The following AVL9 variants were observed in gnomAD, a reference collection of about 807,000 sequenced individuals.
AVL9 encodes the protein AVL9 cell migration associated, also known as late secretory pathway protein AVL9 homolog.
AVL9 carries 49 observed loss-of-function variants against 79.2 expected under a neutral mutation model. The ratio of observed to expected loss-of-function variants is 0.62; its 90% CI spans 0.49 to 0.79. The LOEUF (loss-of-function observed/expected upper bound fraction) is 0.79, where lower values mean the gene tolerates loss of function less well. AVL9 is among the 30% of genes least tolerant of loss of function. AVL9 has a pLI of 0.00. For synonymous variants in AVL9, 299 were observed against 280.6 expected, an observed-to-expected ratio of 1.07 and a Z score of -0.65; for missense variants, 682 against 776.8, an observed-to-expected ratio of 0.88 and a Z score of 1.45.
chr7:32,571,786 G>C (rs1790856605), intron 11 of AVL9, among the ~76,000 whole-genome samples: 1 of 152,086 alleles, frequency 6.6e-6, no homozygotes, highest in South Asian at 2.1e-4. Context: ...GGGTGCGTAG[G>C]AATTTTTTTT....
chr7:32,523,796 C>G (rs531767833), intron 1 of AVL9, among the ~76,000 whole-genome samples: 8 of 147,978 alleles, frequency 5.4e-5, no homozygotes, highest in African/African-American at 2.0e-4. Context: ...TGCAGTGGCA[C>G]GATCTCGGCT....
chr7:32,562,117 A>C (rs1790357253), intron 10 of AVL9, among the ~76,000 whole-genome samples: 1 of 152,236 alleles, frequency 6.6e-6, no homozygotes, highest in Non-Finnish European at 1.5e-5. Flanking sequence ...AGAATTACCA[A>C]AATGTGACAG....
rs1245410539 is a variant in AVL9, at chr7:32,572,552, C to T, written c.1351-647C>T. Among the ~76,000 whole-genome samples the T allele has an allele frequency of 1.3e-5, 2 of 150,690 alleles. 1 individual carries two copies. Among genetic ancestry groups the T allele is most frequent in the African/African-American group, 5.0e-5 (2 of 40,152 alleles). On this transcript the variant is annotated intron_variant, in intron 11 of 15. Transcript: ENST00000318709. The stretch of plus-strand genomic sequence containing the variant: ...GCATGGTGGCTCACGCCTGTAATCC[C>T]AGCACTTTGGGAGGCCGAGGTGGGC...
Position 32,509,388 on chromosome 7 carries a change from G to C in AVL9, c.93+13586G>C, listed in dbSNP as rs144057125. On this transcript the variant is annotated intron_variant, in intron 1 of 15. Transcript: ENST00000318709. ...TGTACCCTGTGTGTGAGTTCTCAGG[G>C]GTCACCTGTTCTTGCATTGACTTGA... Among the ~76,000 whole-genome samples, 12 of 152,146 alleles carry C rather than the reference G, an allele frequency of 7.9e-5. No individual in the cohort carries two copies. In the East Asian group the frequency reaches 2.3e-3, roughly 29 times the overall value.
chr7:32,502,922 T>C (rs2128111928), intron 1 of AVL9, among the ~76,000 whole-genome samples: 1 of 152,322 alleles, frequency 6.6e-6, no homozygotes, highest in East Asian at 1.9e-4. Flanking sequence ...ATGGTGGTGT[T>C]TTCCGCTTCC....
At chr7:32,523,508 C>CTTTT (rs70992725) in intron 1 of AVL9, among the ~76,000 whole-genome samples, 1,093 of 79,294 alleles carry the variant, frequency 0.014, 39 homozygotes, top group Non-Finnish European at 0.017. Flanking sequence ...TATAAATTTC[C>CTTTT]TTTTTTTTTT....
At chr7:32,523,115 CTA>C (rs1788234147) in intron 1 of AVL9, among the ~76,000 whole-genome samples, 1 of 122,764 alleles carries the variant, frequency 8.1e-6, no homozygotes, top group Non-Finnish European at 1.6e-5. Context: ...CCTCATGGGT[CTA>C]TAGATGGTTA....
chr7:32,560,058 GT>G (rs1790266064), intron 10 of AVL9: 1 of 151,912 alleles, frequency 6.6e-6, no homozygotes, highest in Non-Finnish European at 1.5e-5. Flanking sequence ...GAGGCCAGGA[GT>G]TTGATTAGCC....
intron 1 of AVL9, among the ~76,000 whole-genome samples, chr7:32,531,244 C>T (rs73099434): frequency 0.23 from 35,414 of 151,826 alleles, 4,897 homozygotes; most frequent in Admixed American, 0.34. Flanking sequence ...TGGCTTTAAG[C>T]GGTAATTATT....
chr7:32,552,018 CA>C (rs11312395), intron 5 of AVL9, among the ~76,000 whole-genome samples: 96,403 of 151,904 alleles, frequency 0.63, 30,767 homozygotes, highest in Admixed American at 0.72. Flanking sequence ...TTTTCATACT[CA>C]ACTGCCCACG....
At chr7:32,576,926 C>T (rs1429954678) in intron 13 of AVL9, among the ~76,000 whole-genome samples, 1 of 152,198 alleles carries the variant, frequency 6.6e-6, no homozygotes, top group Admixed American at 6.5e-5. Flanking sequence ...CCCACATAGG[C>T]ATAAAAGGCC....
chr7:32,521,302 G>A (rs1788141711), intron 1 of AVL9, among the ~76,000 whole-genome samples: 1 of 152,196 alleles, frequency 6.6e-6, no homozygotes, highest in African/African-American at 2.4e-5. Flanking sequence ...GGAAAGTTTG[G>A]AACTTCCTAG....
At chr7:32,541,160 C>G (rs1450846797) in intron 1 of AVL9, among the ~76,000 whole-genome samples, 2 of 151,974 alleles carry the variant, frequency 1.3e-5, no homozygotes, top group Non-Finnish European at 2.9e-5. Context: ...CTCGGCCTCC[C>G]AAAGTGCTGG....
At chr7:32,542,164 A>G (rs1474178689) in intron 1 of AVL9, among the ~76,000 whole-genome samples, 2 of 139,514 alleles carry the variant, frequency 1.4e-5, no homozygotes, top group African/African-American at 2.5e-5. Context: ...CAAGGGTGGG[A>G]GGCAGTCTTT....
intron 5 of AVL9, 29 bp from the exon 6 acceptor site, chr7:32,552,200 A>T (rs1391486687): frequency 3.0e-6 from 4 of 1,351,018 alleles, no homozygotes; most frequent in Non-Finnish European, 4.2e-6. Context: ...TGATAGTAAA[A>T]TGTGCTAAAT....
intron 8 of AVL9, among the ~76,000 whole-genome samples, chr7:32,557,335 G>A (rs2128140970): frequency 6.6e-6 from 1 of 152,264 alleles, no homozygotes; most frequent in African/African-American, 2.4e-5. Flanking sequence ...TTACAGGTGT[G>A]AACCACCACA....
At chr7:32,554,690 T>A in intron 8 of AVL9, 94 bp downstream of exon 8, 1 of 847,144 alleles carries the variant, frequency 1.2e-6, no homozygotes, top group Non-Finnish European at 1.7e-6. Context: ...AATGATAAAG[T>A]ATTAAGATAC....
At chr7:32,558,697 A>G (rs926903565) in intron 9 of AVL9, 69 bp downstream of exon 9, 17 of 1,338,736 alleles carry the variant, frequency 1.3e-5, no homozygotes, top group Non-Finnish European at 1.8e-5. Context: ...TTTAGAAATA[A>G]AGTTTCAAAG....
intron 3 of AVL9, 41 bp from the exon 4 acceptor site, chr7:32,548,806 C>T: frequency 7.6e-7 from 1 of 1,320,514 alleles, no homozygotes; most frequent in Non-Finnish European, 1.0e-6. Context: ...TGAAATATTG[C>T]TATGAAATAT....
Sources: gnomAD v4.1 joint callset for allele counts (sites outside exome capture counted in the v4.1 genomes callset) on GRCh38, gnomAD v4.1.1 for gene constraint, MANE v1.5 for transcripts, NCBI Gene and HGNC (gene_info 2026-07-23, HGNC 2026-07-21) for gene names.